The following COL6A5 variants were observed in gnomAD, a reference collection of about 807,000 sequenced individuals.
COL6A5 encodes collagen alpha-5(VI) chain.
A neutral mutation model predicts 65.6 loss-of-function variants in COL6A5; 48 were observed. That is an observed-to-expected ratio of 0.73 (90% confidence interval 0.58 to 0.93). COL6A5 has a LOEUF of 0.93. Ranked by LOEUF, COL6A5 falls within the 40% of genes least tolerant of loss-of-function variation. The probability of loss-of-function intolerance (pLI) is 0.00; values close to 1 mark genes in which losing one functional copy is unlikely to be tolerated. For synonymous variants in COL6A5, 291 were observed against 322.8 expected (o/e 0.90, Z 1.05); for missense variants, 914 against 928.3 (o/e 0.98, Z 0.20).
intron 2 of COL6A5, 22 bp downstream of exon 34, chr3:130,439,637 G>A (rs1397934376): frequency 6.6e-7 from 1 of 1,513,768 alleles, no homozygotes; most frequent in Non-Finnish European, 9.0e-7. Context: ...GAAGAGAATT[G>A]ACTGTGCTGA....
intron 5 of COL6A5, among the ~76,000 whole-genome samples, chr3:130,468,110 AAAATAAAT>A (rs903043307): frequency 6.6e-6 from 1 of 152,034 alleles, no homozygotes; most frequent in Non-Finnish European, 1.5e-5. Context: ...TCTTGCTATG[AAAATAAAT>A]AAATAAATAA....
chr3:130,483,243 A>T (rs1252444382), intron 7 of COL6A5, among the ~76,000 whole-genome samples: 1 of 152,182 alleles, frequency 6.6e-6, no homozygotes, highest in Non-Finnish European at 1.5e-5. Flanking sequence ...ATGTGGAAAG[A>T]AAAAACCAGT....
chr3:130,397,903 A>T, exon 9 of COL6A5: 1 of 1,550,800 alleles, frequency 6.4e-7, no homozygotes, highest in Non-Finnish European at 8.7e-7. Context: ...ATTTAAGGAT[A>T]AATCTGCATC....
At chr3:130,367,383 C>T (rs1413582527) in intron 1 of COL6A5, among the ~76,000 whole-genome samples, 1 of 152,192 alleles carries the variant, frequency 6.6e-6, no homozygotes, top group Non-Finnish European at 1.5e-5. Context: ...TCGATTCCCT[C>T]ATTTGAAATA....
chr3:130,467,365 G>A (rs1366979000), intron 5 of COL6A5, among the ~76,000 whole-genome samples: 1 of 151,912 alleles, frequency 6.6e-6, no homozygotes, highest in Non-Finnish European at 1.5e-5. Context: ...ATATTTTAAA[G>A]TTAACACCAG....
At position 130,415,724 on chromosome 3, in the gene COL6A5, C is replaced by T; in HGVS notation, c.4824+17C>T. ...GGACCTCAGGTGAGTGACTCGGAGACATTAGGCTCAATGACTCTCAACAGT... is the reference window on the plus strand; with the variant it reads ...GGACCTCAGGTGAGTGACTCGGAGATATTAGGCTCAATGACTCTCAACAGT... On this transcript the variant is annotated intron_variant and NMD_transcript_variant, in intron 23 of 41. Transcript: ENST00000312481. The T allele has an allele frequency of 6.5e-7, 1 of 1,531,384 alleles. No homozygotes were observed. The highest frequency in any genetic ancestry group is 1.2e-5 in the South Asian group (1 of 80,354). The allele number at this position is 1,531,384 out of a possible 1,614,324, so 94.9% of individuals were successfully genotyped here. A position where few individuals can be genotyped will look rare whatever the true frequency, so the allele number is the denominator to read the frequency against.
chr3:130,469,004 G>C, exon 6 of COL6A5: 1 of 1,612,922 alleles, frequency 6.2e-7, no homozygotes, highest in Middle Eastern at 1.7e-4. Flanking sequence ...CACCTTAGGA[G>C]ACAGGGTTGC....
chr3:130,415,868 C>T (rs770930234), intron 23 of COL6A5, among the ~76,000 whole-genome samples, 161 bp downstream of exon 23: 6 of 152,136 alleles, frequency 3.9e-5, no homozygotes, highest in Admixed American at 2.0e-4. Context: ...ATTCCTCATA[C>T]GTAGCTAAAG....
At position 130,422,710 on chromosome 3, in the gene COL6A5, G is replaced by C; in HGVS notation, c.5038-10G>C. On this transcript the variant is annotated splice_polypyrimidine_tract_variant and intron_variant and NMD_transcript_variant, in intron 27 of 41. Transcript: ENST00000312481. ...TTTAACATCTTGACTTTTTATATCTGAATCTTCAGGGTGATATTGGTAATC... is the reference window on the plus strand; with the variant it reads ...TTTAACATCTTGACTTTTTATATCTCAATCTTCAGGGTGATATTGGTAATC... 1.3e-6 allele frequency: 2 copies of C among 1,511,070 alleles called. No homozygotes were observed. The highest frequency in any genetic ancestry group is 8.9e-7 in the Non-Finnish European group (1 of 1,119,678). The allele number at this position is 1,511,070 out of a possible 1,614,324, so 93.6% of individuals were successfully genotyped here.
At chr3:130,408,478 T>C (rs1416213780) in intron 17 of COL6A5, among the ~76,000 whole-genome samples, 1 of 152,220 alleles carries the variant, frequency 6.6e-6, no homozygotes, top group East Asian at 1.9e-4. Context: ...TGTTTATCAA[T>C]GACAATGTGT....
At position 130,418,869 on chromosome 3, in the gene COL6A5, G is replaced by A. The variant is rs759100126; in HGVS notation, c.4888G>A (p.Gly1630Arg). The A allele has an allele frequency of 3.9e-5, 61 of 1,550,458 alleles. No homozygotes were observed. The South Asian group carries it at 7.1e-4, about 18-fold the overall frequency. ...AAGCTCTTCTTGTCCCACTTACTAG[G>A]GAGAGCCTGGACTTCCTGGAGATCT... The change falls in exon 25 of 42, where the codon GGA becomes AGA. Residue 1630 changes from glycine (G) to arginine (R), a missense_variant and splice_region_variant and NMD_transcript_variant. Physicochemically the swap from Gly to Arg is moderately radical, Grantham distance 125. Coordinates refer to the COL6A5 transcript ENST00000312481.
At chr3:130,379,620 A>G (rs1333794748) in exon 4 of COL6A5, 1 of 1,551,466 alleles carries the variant, frequency 6.4e-7, no homozygotes, top group Admixed American at 2.0e-5. Context: ...CTTTTCTTAA[A>G]TCAAGCACAA....
chr3:130,416,723 G>A, intron 23 of COL6A5, 34 bp from the exon 24 acceptor site: 2 of 1,257,216 alleles, frequency 1.6e-6, no homozygotes, highest in Non-Finnish European at 2.2e-6. Flanking sequence ...AATTACTACG[G>A]TGCCAACATT....
At chr3:130,379,569 A>C (rs558203527) in exon 4 of COL6A5, 1 of 1,551,416 alleles carries the variant, frequency 6.4e-7, no homozygotes, top group South Asian at 1.2e-5. Context: ...ATTGCATGCG[A>C]CTTGGACTGA....
At chr3:130,371,170 A>G (rs573033900) in intron 1 of COL6A5, among the ~76,000 whole-genome samples, 2 of 152,314 alleles carry the variant, frequency 1.3e-5, no homozygotes, top group Non-Finnish European at 2.9e-5. Flanking sequence ...AAATAAGGAG[A>G]TCTAAAAATT....
At position 130,385,364 on chromosome 3, in the gene COL6A5, G is replaced by T. The variant is rs565542796; in HGVS notation, c.1861G>T (p.Gly621Ter). Residue 621 changes from glycine (G) to a stop codon, truncating the protein, a stop_gained and splice_region_variant and NMD_transcript_variant, in exon 5 of 42, where the codon GGA becomes TGA. Coordinates refer to the COL6A5 transcript ENST00000312481. Reference sequence around the variant, plus strand: ...CGTTCGTGAAATCTGCGCTGAAAAAGGTAAGCAACACAAAAAAGGCTTTAT... The same window carrying T: ...CGTTCGTGAAATCTGCGCTGAAAAATGTAAGCAACACAAAAAAGGCTTTAT... 61 of 1,547,246 alleles carry T rather than the reference G, an allele frequency of 3.9e-5. No individual in the cohort carries two copies. The South Asian group carries it at 6.5e-4, about 16-fold the overall frequency.
intron 7 of COL6A5, among the ~76,000 whole-genome samples, chr3:130,473,856 C>T (rs1444403293): frequency 6.6e-6 from 1 of 152,114 alleles, no homozygotes; most frequent in Non-Finnish European, 1.5e-5. Context: ...CCTTTGCTCA[C>T]TAGAAGCAGG....
chr3:130,410,463 A>G lies in COL6A5; in HGVS notation c.4609-8A>G. On this transcript the variant is annotated splice_polypyrimidine_tract_variant and splice_region_variant and intron_variant and NMD_transcript_variant, in intron 19 of 41. Transcript: ENST00000312481. ...CTTTTGATCTTGAGGAAATTATTAT[A>G]TTTTTAGGGTAGAAGTGGACAGAAA... The G allele has an allele frequency of 6.5e-7, 1 of 1,548,188 alleles. No homozygotes were observed. Among genetic ancestry groups the G allele is most frequent in the Admixed American group, 2.0e-5 (1 of 50,758 alleles).
rs539134482 is a variant in COL6A5, at chr3:130,412,603, T to C, written c.4663-942T>C. The stretch of plus-strand genomic sequence containing the variant: ...ATAGGAACCGAGGCCTCAATCTTTG[T>C]TTACTGTTTCTTCTCTGCTTTTTTA... On this transcript the variant is annotated intron_variant and NMD_transcript_variant, in intron 20 of 41. Coordinates refer to the COL6A5 transcript ENST00000312481. 3.3e-5 allele frequency among the ~76,000 whole-genome samples: 5 copies of C among 152,344 alleles called. No homozygotes were observed. The East Asian group carries it at 9.7e-4, about 29-fold the overall frequency.
Sources: gnomAD v4.1 joint callset for allele counts (sites outside exome capture counted in the v4.1 genomes callset) on GRCh38, gnomAD v4.1.1 for gene constraint, MANE v1.5 for transcripts, NCBI Gene and HGNC (gene_info 2026-07-23, HGNC 2026-07-21) for gene names.